The following NRXN3 variants were observed in gnomAD, a reference collection of about 807,000 sequenced individuals.
The protein encoded by NRXN3 is neurexin 3.
A neutral mutation model predicts 137.6 loss-of-function variants in NRXN3; 32 were observed. The ratio of observed to expected loss-of-function variants is 0.23; its 90% confidence interval spans 0.18 to 0.31. The LOEUF (loss-of-function observed/expected upper bound fraction) is 0.31, where lower values mean the gene tolerates loss of function less well. Among genes scored for constraint, NRXN3 ranks in the 10% least tolerant of loss-of-function variants. NRXN3 has a pLI of 1.00. For missense variants in NRXN3, 1,574 were observed against 2,062.5 expected (o/e 0.76, Z 4.59); for synonymous variants, 798 against 784.5 (o/e 1.02, Z -0.29).
intron 15 of NRXN3, among the ~76,000 whole-genome samples, chr14:79,399,187 T>C (rs771665212): frequency 6.6e-5 from 10 of 152,152 alleles, no homozygotes; most frequent in East Asian, 1.9e-4. Flanking sequence ...TAGATGCCAA[T>C]ATGCCATCCT....
intron 19 of NRXN3, among the ~76,000 whole-genome samples, chr14:79,800,406 TTTATTAAG>T (rs2099174426): frequency 6.6e-6 from 1 of 152,218 alleles, no homozygotes; most frequent in Non-Finnish European, 1.5e-5. Flanking sequence ...GTAGCCAGTG[TTTATTAAG>T]TGGTAAATGT....
intron 4 of NRXN3, among the ~76,000 whole-genome samples, chr14:78,372,746 A>T (rs7148862): frequency 0.98 from 149,155 of 152,320 alleles, 73,076 homozygotes; most frequent in Non-Finnish European, 1. Flanking sequence ...ATTAAGGATA[A>T]GCTAAGGTAT....
chr14:78,179,764 T>C (rs2059610422), intron 1 of NRXN3, among the ~76,000 whole-genome samples: 2 of 151,602 alleles, frequency 1.3e-5, no homozygotes, highest in Admixed American at 6.6e-5. Flanking sequence ...TTATAGAGAC[T>C]GTGTACCCAG....
At position 78,467,710 on chromosome 14, in the gene NRXN3, G is replaced by C. The variant is rs546079592; in HGVS notation, c.757+169850G>C. ...ACATCTCACCACTGTAGACATGCAT[G>C]CAAGTGCAAGCATTGAAACTGCATA... On this transcript the variant is annotated intron_variant, in intron 4 of 20. Transcript: ENST00000335750. Among the ~76,000 whole-genome samples the C allele has an allele frequency of 4.6e-5, 7 of 152,302 alleles. 1 individual carries two copies. The South Asian group carries it at 1.5e-3, about 32-fold the overall frequency.
intron 15 of NRXN3, among the ~76,000 whole-genome samples, chr14:79,274,494 C>A (rs1420428270): frequency 6.6e-6 from 1 of 152,098 alleles, no homozygotes; most frequent in Non-Finnish European, 1.5e-5. Flanking sequence ...GAAGTTTAGA[C>A]CTTCGATAGC....
chr14:79,235,387 C>G (rs996385664), intron 15 of NRXN3, among the ~76,000 whole-genome samples: 2 of 152,140 alleles, frequency 1.3e-5, no homozygotes, highest in African/African-American at 4.8e-5. Context: ...ATTGAAATGA[C>G]TATTACTTCC....
At chr14:79,309,851 G>A (rs2086885178) in intron 15 of NRXN3, among the ~76,000 whole-genome samples, 1 of 132,034 alleles carries the variant, frequency 7.6e-6, no homozygotes, top group Admixed American at 7.4e-5. Flanking sequence ...CAGATGAGTA[G>A]GTTGTGAAAA....
At chr14:78,943,848 A>G (rs576717434) in intron 10 of NRXN3, among the ~76,000 whole-genome samples, 26 of 150,014 alleles carry the variant, frequency 1.7e-4, no homozygotes, top group East Asian at 6.0e-4. Flanking sequence ...AGATGCAGAC[A>G]TGGGCATTTT....
At chr14:79,046,684 A>C (rs948902090) in intron 15 of NRXN3, among the ~76,000 whole-genome samples, 1 of 152,174 alleles carries the variant, frequency 6.6e-6, no homozygotes, top group Non-Finnish European at 1.5e-5. Flanking sequence ...AGCTCAAGCT[A>C]CTTAACTCTC....
At chr14:78,343,230 C>T (rs1178190552) in intron 4 of NRXN3, among the ~76,000 whole-genome samples, 1 of 152,178 alleles carries the variant, frequency 6.6e-6, no homozygotes, top group Non-Finnish European at 1.5e-5. Flanking sequence ...CTTACATCAA[C>T]ACCACACTAT....
At chr14:79,194,529 G>T (rs969438991) in intron 15 of NRXN3, among the ~76,000 whole-genome samples, 7 of 152,154 alleles carry the variant, frequency 4.6e-5, no homozygotes. Flanking sequence ...AGGCTGGCTG[G>T]TGCTATAAAG....
At chr14:79,408,383 G>T (rs527394015) in intron 15 of NRXN3, among the ~76,000 whole-genome samples, 1 of 152,202 alleles carries the variant, frequency 6.6e-6, no homozygotes, top group Non-Finnish European at 1.5e-5. Context: ...TATGTCACTT[G>T]AAGGATAACG....
intron 6 of NRXN3, among the ~76,000 whole-genome samples, chr14:78,669,548 G>A (rs997379362): frequency 4.6e-5 from 7 of 152,134 alleles, no homozygotes; most frequent in Admixed American, 6.5e-5. Context: ...CTGTGCTACC[G>A]TGCTACACAG....
chr14:78,982,207 T>C (rs1316364365), intron 14 of NRXN3, among the ~76,000 whole-genome samples: 2 of 152,222 alleles, frequency 1.3e-5, no homozygotes, highest in Admixed American at 6.5e-5. Flanking sequence ...CCATTTTGCT[T>C]TAAATTCTAA....
chr14:78,766,290 A>G (rs1259681483), intron 8 of NRXN3, among the ~76,000 whole-genome samples: 1 of 152,214 alleles, frequency 6.6e-6, no homozygotes, highest in Non-Finnish European at 1.5e-5. Context: ...TTGTATAAGC[A>G]AAGTGATTTC....
intron 15 of NRXN3, among the ~76,000 whole-genome samples, chr14:79,301,613 T>A (rs557970532): frequency 6.6e-6 from 1 of 152,024 alleles, no homozygotes. Flanking sequence ...CCCTTGCACA[T>A]CATCCCTTGG....
At chr14:79,152,343 G>A (rs1214416313) in intron 15 of NRXN3, among the ~76,000 whole-genome samples, 1 of 151,998 alleles carries the variant, frequency 6.6e-6, no homozygotes, top group Non-Finnish European at 1.5e-5. Flanking sequence ...ATAACTAAAT[G>A]AAAACAAAAT....
chr14:79,742,312 T>C (rs1285916792), intron 19 of NRXN3, among the ~76,000 whole-genome samples: 1 of 152,152 alleles, frequency 6.6e-6, no homozygotes, highest in African/African-American at 2.4e-5. Flanking sequence ...GTTAATTGAA[T>C]TGAGAGATGA....
At chr14:78,723,885 T>C (rs2098471278) in intron 8 of NRXN3, among the ~76,000 whole-genome samples, 1 of 152,174 alleles carries the variant, frequency 6.6e-6, no homozygotes, top group Non-Finnish European at 1.5e-5. Flanking sequence ...ATTGAGAAGG[T>C]TGGACCATAA....
Sources: allele counts gnomAD v4.1 joint callset (sites outside exome capture counted in the v4.1 genomes callset), GRCh38; gene constraint gnomAD v4.1.1; transcripts MANE v1.5; gene names NCBI Gene and HGNC (gene_info 2026-07-23, HGNC 2026-07-21).